The following IL22RA1 variants were observed in gnomAD, a reference collection of about 807,000 sequenced individuals.
The protein encoded by IL22RA1 is interleukin-22 receptor subunit alpha-1.
IL22RA1 carries 25 observed loss-of-function variants against 32.8 expected under a neutral mutation model. The ratio of observed to expected loss-of-function variants is 0.76; its 90% CI spans 0.55 to 1.06. The LOEUF (loss-of-function observed/expected upper bound fraction) is 1.06. Ranked by LOEUF, IL22RA1 falls within the 50% of genes least tolerant of loss-of-function variation. IL22RA1 has a pLI of 0.00. For synonymous variants in IL22RA1, 305 were observed against 305.0 expected, an observed-to-expected ratio of 1.00 and a Z score of 0.00; for missense variants, 709 against 727.4, an observed-to-expected ratio of 0.97 and a Z score of 0.29.
chr1:24,127,486 A>AT (rs1442989608), intron 5 of IL22RA1, among the ~76,000 whole-genome samples: 2 of 151,640 alleles, frequency 1.3e-5, no homozygotes, highest in Non-Finnish European at 2.9e-5. Context: ...TAAGTTTTTG[A>AT]TTTTTTTGTG....
intron 1 of IL22RA1, among the ~76,000 whole-genome samples, chr1:24,141,672 C>A (rs765301983): frequency 3.3e-5 from 5 of 152,180 alleles, no homozygotes; most frequent in African/African-American, 4.8e-5. Context: ...CCCCTCTTCT[C>A]CCACCCTCCT....
intron 1 of IL22RA1, 71 bp downstream of exon 1, chr1:24,142,969 C>CT: frequency 7.0e-7 from 1 of 1,429,746 alleles, no homozygotes; most frequent in Non-Finnish European, 9.8e-7. Flanking sequence ...GGGGAGGGTG[C>CT]TGGGGAGATG....
At position 24,121,547 on chromosome 1, in the gene IL22RA1, C is replaced by T; in HGVS notation, c.983G>A (p.Gly328Glu). The T allele has an allele frequency of 6.2e-7, 1 of 1,604,200 alleles. No homozygotes were observed. Residue 328 changes from glycine to glutamate, a missense_variant, in exon 7 of 7, where the codon GGG (glycine) becomes GAG (glutamate). Coordinates refer to ENST00000270800, the MANE Select transcript of IL22RA1 (RefSeq NM_021258.4). ...CTGGAGGATGGAGATGTCTGGCTGC[C>T]CTAAGTAGGTGATCTCGGACAGGCT... is the stretch of plus-strand genomic sequence containing the variant. ...RHSLSEITYLGQPDISILQPS... is the reference protein window; with the variant it reads ...RHSLSEITYLEQPDISILQPS...
At chr1:24,121,783 C>G (rs375018370) in intron 6 of IL22RA1, 46 bp from the exon 7 acceptor site, 1 of 1,404,894 alleles carries the variant, frequency 7.1e-7, no homozygotes, top group African/African-American at 1.4e-5. Context: ...TAGGGTAAGT[C>G]CCAAGCTCCC....
chr1:24,134,509 C>T, intron 3 of IL22RA1, 123 bp from the exon 4 acceptor site: 1 of 641,206 alleles, frequency 1.6e-6, no homozygotes, highest in Non-Finnish European at 2.3e-6. Flanking sequence ...GCCAGCTATG[C>T]TTCTGAAAGC....
chr1:24,119,947 T>C lies in IL22RA1; in HGVS notation c.*858A>G, dbSNP rs1644108198. 1 of 152,288 alleles carries C rather than the reference T, an allele frequency of 6.6e-6. No homozygotes were observed. The highest frequency in any genetic ancestry group is 1.5e-5 in the Non-Finnish European group (1 of 68,086). 9.4% of individuals were successfully genotyped at this position (152,288 alleles called of 1,614,324 possible). ...TTTCATTTGTTTGAAGTCACACAGC[T>C]TGTGAGTGGTGAGGCTGGAATTTGA... is the stretch of plus-strand genomic sequence containing the variant. On this transcript the variant is annotated 3_prime_UTR_variant, in exon 7 of 7. Transcript: ENST00000270800.
Position 24,120,284 on chromosome 1 carries a change from G to A in IL22RA1, c.*521C>T. On this transcript the variant is annotated 3_prime_UTR_variant, in exon 7 of 7. Transcript: ENST00000270800. ...CCTGCTGGCCCTGGCCTTGGCAGAA[G>A]TGCAGGTTGTTCTGGTTCTGCCCAG... The A allele has an allele frequency of 6.5e-6, 1 of 152,810 alleles. No individual in the cohort carries two copies. The highest frequency in any genetic ancestry group is 1.5e-5 in the Non-Finnish European group (1 of 68,352). 9.5% of individuals were successfully genotyped at this position (152,810 alleles called of 1,614,324 possible). A position where few individuals can be genotyped will look rare whatever the true frequency, so the allele number is the denominator to read the frequency against.
At position 24,137,204 on chromosome 1, in the gene IL22RA1, G is replaced by A. The variant is rs147173863; in HGVS notation, c.282C>T (p.Ala94=). The A allele has an allele frequency of 2.0e-5, 33 of 1,614,004 alleles. No homozygotes were observed. The Admixed American group carries it at 3.2e-4, about 15-fold the overall frequency. Residue 94 remains alanine (A), a synonymous_variant, in exon 3 of 7, where the codon GCC becomes GCT. Transcript: ENST00000270800. ...CTCCCGCACTGACAGCGGTGACCCTGGCATAGTAGAGCTCCGTGAGGTTGC... is the reference window on the plus strand; with the variant it reads ...CTCCCGCACTGACAGCGGTGACCCTAGCATAGTAGAGCTCCGTGAGGTTGC... ...ETGNLTELYY[A]RVTAVSAGGR... is the part of the protein sequence containing the mutation.
intron 6 of IL22RA1, among the ~76,000 whole-genome samples, chr1:24,123,089 T>C (rs535249459): frequency 2.0e-5 from 3 of 152,344 alleles, no homozygotes; most frequent in Non-Finnish European, 4.4e-5. Flanking sequence ...CCATGTCTAC[T>C]ATTCCTGATC....
At position 24,121,467 on chromosome 1, in the gene IL22RA1, C is replaced by G; in HGVS notation, c.1063G>C (p.Ala355Pro). ...GATGGGGGCCCGACCTCAGGGGCAG[C>G]GTTTGGGGCATAGGACAGTGGGGAG... ...ILSPLSYAPNAAPEVGPPSYA... is the reference protein window; with the variant it reads ...ILSPLSYAPNPAPEVGPPSYA... Residue 355 changes from alanine (A) to proline (P), a missense_variant, in exon 7 of 7, where the codon GCT becomes CCT. Transcript: ENST00000270800. 1.9e-6 allele frequency: 3 copies of G among 1,546,312 alleles called. No individual in the cohort carries two copies. Among genetic ancestry groups the G allele is most frequent in the Non-Finnish European group, 2.6e-6 (3 of 1,144,200 alleles).
rs1644178067 is a variant in IL22RA1, at chr1:24,128,208, G to C, written c.603C>G (p.Ile201Met). The change falls in exon 5 of 7, where the codon ATC becomes ATG. Residue 201 changes from isoleucine to methionine, a missense_variant. Coordinates refer to ENST00000270800, the MANE Select transcript of IL22RA1 (RefSeq NM_021258.4). ...TGGCCCAGGTGGGAACGCAAATCATGATGGTGCCAAGGAACTCTGTGTCAG... is the reference window on the plus strand; with the variant it reads ...TGGCCCAGGTGGGAACGCAAATCATCATGGTGCCAAGGAACTCTGTGTCAG... ...LTPDTEFLGT[I>M]MICVPTWAKE... 6.2e-7 allele frequency: 1 copy of C among 1,607,248 alleles called. No homozygotes were observed. The highest frequency in any genetic ancestry group is 8.5e-7 in the Non-Finnish European group (1 of 1,176,752).
chr1:24,142,054 C>T (rs1488804247), intron 1 of IL22RA1, among the ~76,000 whole-genome samples: 3 of 152,148 alleles, frequency 2.0e-5, no homozygotes, highest in Admixed American at 6.5e-5. Context: ...GATTTCTAAC[C>T]AGTATGGCTG....
intron 1 of IL22RA1, among the ~76,000 whole-genome samples, chr1:24,139,328 T>A (rs1424068031): frequency 6.6e-6 from 1 of 152,270 alleles, no homozygotes; most frequent in South Asian, 2.1e-4. Flanking sequence ...CACATTTTGT[T>A]TATCCACTCA....
At chr1:24,137,025 C>A (rs1569579315) in intron 3 of IL22RA1, 106 bp downstream of exon 3, 1 of 1,094,218 alleles carries the variant, frequency 9.1e-7, no homozygotes, top group Non-Finnish European at 1.3e-6. Context: ...GCAGAGAGCC[C>A]CTTCTGGACC....
chr1:24,127,549 G>A (rs1432291397), intron 5 of IL22RA1, among the ~76,000 whole-genome samples: 1 of 152,154 alleles, frequency 6.6e-6, no homozygotes, highest in Non-Finnish European at 1.5e-5. Context: ...CTGGGCTCAA[G>A]TGATCCTCCT....
rs373981247 is a variant in IL22RA1 at position 24,137,269 on chromosome 1, G to A, written c.217C>T (p.Arg73Trp). 32 of 1,613,964 alleles carry A rather than the reference G, an allele frequency of 2.0e-5. No homozygotes were observed. Among genetic ancestry groups the A allele is most frequent in the Non-Finnish European group, 2.4e-5 (28 of 1,180,030 alleles). The change falls in exon 3 of 7, where the codon CGG becomes TGG. Residue 73 changes from arginine to tryptophan, a missense_variant. Coordinates refer to ENST00000270800, the MANE Select transcript of IL22RA1 (RefSeq NM_021258.4). ...RDWVAKKGCQ[R>W]ITRKSCNLTV... ...AGGTTGCAGGACTTCCGGGTGATCC[G>A]CTGACAGCCCTTCTTTGCCACCCAG...
rs186832278 is a variant in IL22RA1, at chr1:24,143,122, C to G, written c.-40G>C. The G allele has an allele frequency of 3.5e-4, 491 of 1,412,474 alleles. No homozygotes were observed. Among genetic ancestry groups the G allele is most frequent in the Non-Finnish European group, 4.4e-4 (465 of 1,053,614 alleles). The allele number at this position is 1,412,474 out of a possible 1,614,324, so 87.5% of individuals were successfully genotyped here. ...AGCCCTCCCTTGGCCTCTACTCTGC[C>G]GTGCACAGAGAGAGGGCTGGGAGTC... On this transcript the variant is annotated 5_prime_UTR_variant, in exon 1 of 7. Transcript: ENST00000270800.
At chr1:24,128,442 A>G (rs1172467988) in intron 4 of IL22RA1, among the ~76,000 whole-genome samples, 163 bp from the exon 5 acceptor site, 1 of 151,848 alleles carries the variant, frequency 6.6e-6, no homozygotes, top group African/African-American at 2.4e-5. Context: ...CCCAAATCCA[A>G]TCAGTCTCCA....
chr1:24,128,530 C>CATATATATAT (rs56091453), intron 4 of IL22RA1, among the ~76,000 whole-genome samples: 73 of 147,774 alleles, frequency 4.9e-4, no homozygotes, highest in Admixed American at 1.2e-3. Context: ...TGGTTATATA[C>CATATATATAT]ATATATATAT....
Sources: allele counts gnomAD v4.1 joint callset (sites outside exome capture counted in the v4.1 genomes callset), GRCh38; gene constraint gnomAD v4.1.1; transcripts MANE v1.5; gene names NCBI Gene and HGNC (gene_info 2026-07-23, HGNC 2026-07-21).